PSMD8: variants seen among roughly 807,000 people sequenced by gnomAD.
PSMD8 encodes 26S proteasome non-ATPase regulatory subunit 8.
In PSMD8, 30 loss-of-function variants were observed where a neutral mutation model predicts 40.0. That is an observed-to-expected ratio of 0.75 (90% CI 0.56 to 1.02). The LOEUF (loss-of-function observed/expected upper bound fraction) is 1.02. Ranked by LOEUF, PSMD8 falls within the 50% of genes least tolerant of loss-of-function variation. The pLI is 0.00. For synonymous variants in PSMD8, 208 were observed against 192.5 expected, an observed-to-expected ratio of 1.08 and a Z score of -0.67; for missense variants, 461 against 463.9, an observed-to-expected ratio of 0.99 and a Z score of 0.06.
At chr19:38,376,774 G>A (rs1221745378) in intron 3 of PSMD8, among the ~76,000 whole-genome samples, 3 of 152,176 alleles carry the variant, frequency 2.0e-5, no homozygotes, top group Non-Finnish European at 4.4e-5. Flanking sequence ...ACTAAAATTT[G>A]ACACTGTCCA....
In PSMD8 at chr19:38,383,762, G is replaced by T. The variant is rs898991235; in HGVS notation, c.*372G>T. The T allele has an allele frequency of 1.6e-5, 4 of 242,574 alleles. No homozygotes were observed. The highest frequency in any genetic ancestry group is 1.6e-4 in the East Asian group (2 of 12,232). The allele number at this position is 242,574 out of a possible 1,614,324, so 15.0% of individuals were successfully genotyped here. ...AGGGTACCAGATTTTTTCAACAAAG[G>T]GGGTGAAGTGTCCTACTAAAAAGAA... On this transcript the variant is annotated 3_prime_UTR_variant, in exon 7 of 7. Transcript: ENST00000215071.
At chr19:38,380,707 A>G (rs141029977) in intron 4 of PSMD8, among the ~76,000 whole-genome samples, 192 bp from the exon 5 acceptor site, 1 of 120,882 alleles carries the variant, frequency 8.3e-6, no homozygotes, top group Non-Finnish European at 1.7e-5. Context: ...AGAGAGAGAG[A>G]GTGTGTGTGT....
chr19:38,376,325 C>G, intron 2 of PSMD8, 27 bp from the exon 3 acceptor site: 2 of 1,540,806 alleles, frequency 1.3e-6, no homozygotes, highest in Non-Finnish European at 1.8e-6. Context: ...TCAGTCACCT[C>G]CTGAGAGCTC....
chr19:38,381,322 G>A (rs927826469), intron 5 of PSMD8: 8 of 220,630 alleles, frequency 3.6e-5, no homozygotes, highest in Non-Finnish European at 6.3e-5. Flanking sequence ...AGTGAGTCAT[G>A]AGACTTCACC....
rs375312541 is a variant in PSMD8, at chr19:38,376,345, C to A, written c.434-7C>A. ...CACCTCCTGAGAGCTCACTCTGTCA[C>A]CCACAGGTGACATACTGGAGATCGG... On this transcript the variant is annotated splice_region_variant and splice_polypyrimidine_tract_variant and intron_variant, in intron 2 of 6. Transcript: ENST00000215071. 9.7e-6 allele frequency: 15 copies of A among 1,550,240 alleles called. No homozygotes were observed. The Admixed American group carries it at 1.4e-4, about 14-fold the overall frequency.
rs1205623707 is a variant in PSMD8, at chr19:38,374,799, C to G, written c.198C>G (p.Ala66=). Residue 66 remains alanine (A), a synonymous_variant, in exon 1 of 7, where the codon GCC becomes GCG. Coordinates refer to ENST00000215071, the MANE Select transcript of PSMD8 (RefSeq NM_002812.5). ...GLLAASRKMA[A]AAVNGAAGFS... is the part of the protein sequence containing the mutation. Reference sequence around the variant, plus strand: ...TTGCCGCATCACGCAAGATGGCGGCCGCGGCGGTGAACGGGGCGGCAGGCT... The same window carrying G: ...TTGCCGCATCACGCAAGATGGCGGCGGCGGCGGTGAACGGGGCGGCAGGCT... The G allele has an allele frequency of 6.4e-7, 1 of 1,572,368 alleles. No homozygotes were observed. The highest frequency in any genetic ancestry group is 1.1e-5 in the South Asian group (1 of 87,082).
intron 6 of PSMD8, 161 bp downstream of exon 6, chr19:38,382,389 A>G (rs1970648416): frequency 3.0e-6 from 2 of 661,758 alleles, no homozygotes; most frequent in Admixed American, 2.3e-5. Flanking sequence ...CAGTTTCTCT[A>G]TCCACAGAAT....
chr19:38,377,604 C>T (rs1600496618), intron 3 of PSMD8, among the ~76,000 whole-genome samples: 2 of 152,180 alleles, frequency 1.3e-5, no homozygotes, highest in East Asian at 3.9e-4. Flanking sequence ...TCAAGCTATT[C>T]TCCTGCCTCA....
In PSMD8 at chr19:38,374,663, G is replaced by C. The variant is rs781143046; in HGVS notation, c.62G>C (p.Gly21Ala). The C allele has an allele frequency of 4.3e-5, 66 of 1,522,730 alleles. No homozygotes were observed. The highest frequency in any genetic ancestry group is 5.1e-5 in the Non-Finnish European group (58 of 1,140,964). The allele number at this position is 1,522,730 out of a possible 1,614,324, so 94.3% of individuals were successfully genotyped here. A position where few individuals can be genotyped will look rare whatever the true frequency, so the allele number is the denominator to read the frequency against. Residue 21 changes from glycine (G) to alanine (A), a missense_variant, in exon 1 of 7, where the codon GGC (glycine) becomes GCC (alanine). Gly to Ala is a moderately conservative substitution (Grantham distance 60). Around this residue, in one of 2 missense-constraint regions of PSMD8, gnomAD observed 225 missense variants for 142.7 expected, o/e 1.58. Transcript: ENST00000215071. ...PPRERRRATR[G>A]GLRQVVAPPR... The stretch of plus-strand genomic sequence containing the variant: ...CGAGAGCGACGGCGGGCTACCCGGG[G>C]CGGGCTGAGGCAGGTTGTAGCCCCG...
chr19:38,376,306 G>C, intron 2 of PSMD8, 46 bp from the exon 3 acceptor site: 1 of 1,537,288 alleles, frequency 6.5e-7, no homozygotes, highest in Non-Finnish European at 8.8e-7. Context: ...GGTGGTTGGG[G>C]AAGAGACCTC....
intron 4 of PSMD8, 141 bp downstream of exon 4, chr19:38,379,546 C>G (rs1970623396): frequency 1.1e-6 from 1 of 929,472 alleles, no homozygotes; most frequent in African/African-American, 1.6e-5. Flanking sequence ...CCAACAAATA[C>G]TGAGTCCCAG....
In PSMD8 at chr19:38,374,950, G is replaced by A. The variant is rs1260647146; in HGVS notation, c.349G>A (p.Gly117Ser). The A allele has an allele frequency of 1.3e-6, 2 of 1,566,160 alleles. No homozygotes were observed. The highest frequency in any genetic ancestry group is 1.8e-5 in the Admixed American group (1 of 54,844). Residue 117 changes from glycine (G) to serine (S), a missense_variant, in exon 1 of 7, where the codon GGT (glycine) becomes AGT (serine). Physicochemically the swap from Gly to Ser is moderately conservative, Grantham distance 56. Coordinates refer to ENST00000215071, the MANE Select transcript of PSMD8 (RefSeq NM_002812.5). ...PNLSKCGEELGRLKLVLLELN... is the reference protein window; with the variant it reads ...PNLSKCGEELSRLKLVLLELN... ...TCTTAGCAAGTGCGGGGAAGAGCTG[G>A]GTCGACTCAAGGTAAAGTCGGCAGG...
In PSMD8 at chr19:38,374,594, C is replaced by A; in HGVS notation, c.-8C>A. The A allele has an allele frequency of 6.9e-7, 1 of 1,458,608 alleles. No individual in the cohort carries two copies. The highest frequency in any genetic ancestry group is 9.0e-7 in the Non-Finnish European group (1 of 1,109,558). The allele number at this position is 1,458,608 out of a possible 1,614,324, so 90.4% of individuals were successfully genotyped here. A position where few individuals can be genotyped will look rare whatever the true frequency, so the allele number is the denominator to read the frequency against. On this transcript the variant is annotated 5_prime_UTR_variant, in exon 1 of 7. Transcript: ENST00000215071. The stretch of plus-strand genomic sequence containing the variant: ...TTGAGTGACGACAGAGGCGGAGCTC[C>A]AACTGACATGTTCATTAAGGGCAGG...
Position 38,376,667 on chromosome 19 carries a change from C to T in PSMD8, c.536+213C>T, listed in dbSNP as rs1970601046. ...CCTACCCATTCCCACATTGCACCCC[C>T]TCTGCCCAGTGGGGCTGCCATCACC... On this transcript the variant is annotated intron_variant, in intron 3 of 6. Coordinates refer to ENST00000215071, the MANE Select transcript of PSMD8 (RefSeq NM_002812.5). 3.3e-5 allele frequency among the ~76,000 whole-genome samples: 5 copies of T among 152,202 alleles called. No homozygotes were observed. The South Asian group carries it at 1.0e-3, about 32-fold the overall frequency.
chr19:38,374,608 A>G lies in PSMD8; in HGVS notation c.7A>G (p.Ile3Val), dbSNP rs769398334. 1.4e-6 allele frequency: 2 copies of G among 1,479,718 alleles called. No homozygotes were observed. Among genetic ancestry groups the G allele is most frequent in the East Asian group, 2.5e-5 (1 of 40,306 alleles). The allele number at this position is 1,479,718 out of a possible 1,614,324, so 91.7% of individuals were successfully genotyped here. The change falls in exon 1 of 7, where the codon ATT (isoleucine) becomes GTT (valine). Residue 3 changes from isoleucine (I) to valine (V), a missense_variant. Transcript: ENST00000215071. ...AGGCGGAGCTCCAACTGACATGTTC[A>G]TTAAGGGCAGGGCTCCGAGGGCGCC... The part of the protein sequence containing the change: MF[I>V]KGRAPRAPPR...
chr19:38,379,472 C>A (rs1389357367), intron 4 of PSMD8, 67 bp downstream of exon 4: 2 of 1,545,984 alleles, frequency 1.3e-6, no homozygotes, highest in Admixed American at 3.5e-5. Flanking sequence ...CTTAGGAGGG[C>A]TTTCCTGAAG....
At chr19:38,379,450 TG>T in intron 4 of PSMD8, 45 bp downstream of exon 4, 2 of 1,602,088 alleles carry the variant, frequency 1.2e-6, no homozygotes, top group Non-Finnish European at 1.7e-6. Flanking sequence ...AAGTGGGTGG[TG>T]CAGGGGTGGT....
At position 38,374,896 on chromosome 19, in the gene PSMD8, A is replaced by G. The variant is rs1385576203; in HGVS notation, c.295A>G (p.Lys99Glu). ...CGCGACCGGCATGTACGAGCAACTC[A>G]AGGGCGAGTGGAACCGTAAAAGCCC... ...QAATGMYEQL[K>E]GEWNRKSPNL... The change falls in exon 1 of 7, where the codon AAG becomes GAG. Residue 99 changes from lysine to glutamate, a missense_variant. Physicochemically the swap from Lys to Glu is moderately conservative, Grantham distance 56. Coordinates refer to ENST00000215071, the MANE Select transcript of PSMD8 (RefSeq NM_002812.5). The G allele has an allele frequency of 1.3e-6, 2 of 1,588,084 alleles. No individual in the cohort carries two copies. The highest frequency in any genetic ancestry group is 2.7e-5 in the African/African-American group (2 of 74,624).
At chr19:38,382,531 G>A (rs1242362332) in intron 6 of PSMD8, 1 of 559,780 alleles carries the variant, frequency 1.8e-6, no homozygotes, top group East Asian at 2.9e-5. Context: ...GCTTCATTTG[G>A]TCTCAGGCGT....
Sources: gnomAD v4.1 joint callset for allele counts (sites outside exome capture counted in the v4.1 genomes callset) on GRCh38, gnomAD v4.1.1 for gene constraint, gnomAD v4.1.1 regional missense constraint, MANE v1.5 for transcripts, NCBI Gene and HGNC (gene_info 2026-07-23, HGNC 2026-07-21) for gene names.